The following GLIS1 variants were observed in gnomAD, a reference collection of about 807,000 sequenced individuals.
GLIS1 encodes the protein GLIS family zinc finger 1, also known as zinc finger protein GLIS1.
Under a neutral mutation model 63.8 loss-of-function variants are expected in GLIS1, and 24 were observed. The ratio of observed to expected loss-of-function variants is 0.38; its 90% CI spans 0.27 to 0.53. The LOEUF is 0.53. GLIS1 is among the 20% of genes least tolerant of loss of function. GLIS1 has a pLI of 0.85. For synonymous variants in GLIS1, 450 were observed against 482.5 expected (o/e 0.93, Z 0.88); for missense variants, 1,036 against 1,074.1 (o/e 0.96, Z 0.50).
chr1:53,653,630 G>A (rs1025664203), intron 2 of GLIS1, among the ~76,000 whole-genome samples: 16 of 152,088 alleles, frequency 1.1e-4, no homozygotes, highest in African/African-American at 3.6e-4. Flanking sequence ...CCCACTGCCT[G>A]TCTTCCTGAT....
intron 8 of GLIS1, among the ~76,000 whole-genome samples, chr1:53,514,074 A>C (rs774503645): frequency 3.9e-5 from 6 of 152,238 alleles, no homozygotes; most frequent in Non-Finnish European, 7.3e-5. Context: ...AGTGGCCACA[A>C]TGAGAACCAC....
At chr1:53,735,003 TCCAGATCAAATACACAGGCC>T (rs1392525510) in intron 2 of GLIS1, among the ~76,000 whole-genome samples, 1 of 152,110 alleles carries the variant, frequency 6.6e-6, no homozygotes, top group Admixed American at 6.5e-5. Flanking sequence ...GCCTCCCGAT[TCCAGATCAAATACACAGGCC>T]CCAGACATTT....
At chr1:53,614,780 G>A (rs1645461778) in intron 2 of GLIS1, among the ~76,000 whole-genome samples, 1 of 147,200 alleles carries the variant, frequency 6.8e-6, no homozygotes, top group Non-Finnish European at 1.5e-5. Context: ...TCACAGAATT[G>A]TTCTCTCACA....
intron 4 of GLIS1, among the ~76,000 whole-genome samples, chr1:53,592,512 G>C (rs895127765): frequency 6.6e-6 from 1 of 152,190 alleles, no homozygotes; most frequent in Admixed American, 6.5e-5. Flanking sequence ...GTCTCGGGGA[G>C]ATATGGGGGC....
intron 4 of GLIS1, among the ~76,000 whole-genome samples, chr1:53,592,268 C>A (rs1645199568): frequency 6.6e-6 from 1 of 152,196 alleles, no homozygotes. Context: ...TCTGACTTCC[C>A]AAATTTCCAA....
chr1:53,712,270 C>A (rs1264613526), intron 2 of GLIS1, among the ~76,000 whole-genome samples: 1 of 152,220 alleles, frequency 6.6e-6, no homozygotes, highest in East Asian at 1.9e-4. Context: ...CTGTGAAAAT[C>A]AGATTCTGAT....
At chr1:53,736,981 G>GAA (rs34549385) in intron 2 of GLIS1, among the ~76,000 whole-genome samples, 109 of 150,840 alleles carry the variant, frequency 7.2e-4, no homozygotes, top group Non-Finnish European at 1.0e-3. Context: ...TCCCCTAAGG[G>GAA]AAAAAAAAAG....
chr1:53,615,222 T>C (rs1190961573), intron 2 of GLIS1, among the ~76,000 whole-genome samples: 1 of 152,132 alleles, frequency 6.6e-6, no homozygotes, highest in Non-Finnish European at 1.5e-5. Flanking sequence ...CTGCTGGGTA[T>C]CCTTCCCCTT....
At chr1:53,587,956 A>C (rs1645152686) in intron 4 of GLIS1, among the ~76,000 whole-genome samples, 1 of 152,152 alleles carries the variant, frequency 6.6e-6, no homozygotes, top group Non-Finnish European at 1.5e-5. Flanking sequence ...ACCTGGGTTT[A>C]AATCCGACCC....
In GLIS1 at chr1:53,594,869, A is replaced by G; in HGVS notation, c.559T>C (p.Cys187Arg). ...AGGCCAGTGGCCAGCGGGCCCCGAC[A>G]GTGGGCAGACAGGGATGTGCGGGCC... ...AEARTSLSAH[C>R]RGPLATGLHP... The change falls in exon 4 of 11, where the codon TGT (cysteine) becomes CGT (arginine). Residue 187 changes from cysteine (C) to arginine (R), a missense_variant. Coordinates refer to ENST00000628545, the MANE Select transcript of GLIS1 (RefSeq NM_001367484.1). The G allele has an allele frequency of 6.3e-7, 1 of 1,578,822 alleles. No individual in the cohort carries two copies. Among genetic ancestry groups the G allele is most frequent in the African/African-American group, 1.3e-5 (1 of 74,208 alleles).
intron 7 of GLIS1, among the ~76,000 whole-genome samples, chr1:53,517,791 G>T (rs1043196120): frequency 9.2e-5 from 14 of 152,144 alleles, no homozygotes; most frequent in African/African-American, 3.4e-4. Context: ...CCCTGACTCA[G>T]TCCCCTGCCC....
intron 4 of GLIS1, among the ~76,000 whole-genome samples, chr1:53,533,357 G>A (rs149150597): frequency 5.6e-4 from 85 of 152,288 alleles, no homozygotes; most frequent in African/African-American, 2.0e-3. Flanking sequence ...CATGATATGG[G>A]GGTTGCTGGG....
intron 3 of GLIS1, 64 bp from the exon 4 acceptor site, chr1:53,595,054 G>A (rs572271581): frequency 4.7e-5 from 64 of 1,351,556 alleles, no homozygotes; most frequent in Non-Finnish European, 5.5e-5. Flanking sequence ...AGGCTCAGGT[G>A]GGGGCAGACA....
At chr1:53,723,524 G>A (rs56326158) in intron 2 of GLIS1, among the ~76,000 whole-genome samples, 39,581 of 151,868 alleles carry the variant, frequency 0.26, 5,397 homozygotes, top group African/African-American at 0.35. Flanking sequence ...GTGAGCCACC[G>A]CGCCTGGCCT....
intron 2 of GLIS1, among the ~76,000 whole-genome samples, chr1:53,648,313 CAA>C (rs1645869048): frequency 6.6e-6 from 1 of 152,044 alleles, no homozygotes; most frequent in African/African-American, 2.4e-5. Flanking sequence ...ACTAAGACAC[CAA>C]CACACACCCA....
chr1:53,522,482 C>A (rs898220185), intron 6 of GLIS1, among the ~76,000 whole-genome samples: 5 of 152,202 alleles, frequency 3.3e-5, no homozygotes, highest in Admixed American at 2.0e-4. Context: ...CATTCCCTGT[C>A]CCCACTCAGG....
At chr1:53,720,541 A>C (rs1301414592) in intron 2 of GLIS1, among the ~76,000 whole-genome samples, 1 of 152,224 alleles carries the variant, frequency 6.6e-6, no homozygotes, top group Non-Finnish European at 1.5e-5. Context: ...TAATGGGTAC[A>C]AAAAGAGGCA....
intron 2 of GLIS1, among the ~76,000 whole-genome samples, chr1:53,703,941 G>A (rs926842162): frequency 1.3e-5 from 2 of 152,186 alleles, no homozygotes; most frequent in African/African-American, 4.8e-5. Flanking sequence ...AGGGCAGGGG[G>A]AAGCACTCCT....
chr1:53,699,116 G>A (rs894880297), intron 2 of GLIS1, among the ~76,000 whole-genome samples: 1 of 151,820 alleles, frequency 6.6e-6, no homozygotes, highest in Non-Finnish European at 1.5e-5. Flanking sequence ...CCAGGCTAGA[G>A]TGCAGTGGCA....
Sources: allele counts gnomAD v4.1 joint callset (sites outside exome capture counted in the v4.1 genomes callset), GRCh38; gene constraint gnomAD v4.1.1; transcripts MANE v1.5; gene names NCBI Gene and HGNC (gene_info 2026-07-23, HGNC 2026-07-21).